The following CUX1 variants were observed in gnomAD, a reference collection of about 807,000 sequenced individuals.
CUX1 encodes the protein cut like homeobox 1, also known as protein CASP.
In CUX1, 31 loss-of-function variants were observed where a neutral mutation model predicts 158.8. The ratio of observed to expected loss-of-function variants is 0.20; its 90% confidence interval spans 0.15 to 0.26. CUX1 has a LOEUF of 0.26. Ranked by LOEUF, CUX1 falls within the 10% of genes least tolerant of loss-of-function variation. The probability of loss-of-function intolerance (pLI) is 1.00; values close to 1 mark genes in which losing one functional copy is unlikely to be tolerated. For missense variants in CUX1, 1,589 were observed against 2,014.6 expected (o/e 0.79, Z 4.04); for synonymous variants, 879 against 862.1 (o/e 1.02, Z -0.34).
In CUX1 at chr7:102,255,031, G is replaced by A. The variant is rs895036442; in HGVS notation, c.*5989G>A. 4 of 985,378 alleles carry A rather than the reference G, an allele frequency of 4.1e-6. No homozygotes were observed. The highest frequency in any genetic ancestry group is 1.7e-5 in the African/African-American group (1 of 57,208). The allele number at this position is 985,378 out of a possible 1,614,324, so 61.0% of individuals were successfully genotyped here. A position where few individuals can be genotyped will look rare whatever the true frequency, so the allele number is the denominator to read the frequency against. The stretch of plus-strand genomic sequence containing the variant: ...GCTTAATCAGGACGGAAGAGGAGGG[G>A]GTGTGGGGGGCAGAGCGTAAAACAA... On this transcript the variant is annotated 3_prime_UTR_variant, in exon 24 of 24. Transcript: ENST00000292535.
Position 102,197,268 on chromosome 7 carries a change from C to T in CUX1, c.1857C>T (p.Asn619=). 6.2e-7 allele frequency: 1 copy of T among 1,613,988 alleles called. No homozygotes were observed. The highest frequency in any genetic ancestry group is 1.1e-5 in the South Asian group (1 of 91,088). ...AACAGTTCCTCTCCGATGAGCAGAA[C>T]ATCCTGGCCCTCCGTAGCATCCAAG... ...KMKQFLSDEQ[N]ILALRSIQGR... Residue 619 remains asparagine (N), a synonymous_variant, in exon 15 of 24, where the codon AAC becomes AAT. Coordinates refer to ENST00000292535, the MANE Select transcript of CUX1 (RefSeq NM_181552.4).
At chr7:101,983,570 C>A (rs947320349) in intron 2 of CUX1, among the ~76,000 whole-genome samples, 5 of 152,180 alleles carry the variant, frequency 3.3e-5, no homozygotes, top group Non-Finnish European at 7.3e-5. Context: ...TTACTTGGCC[C>A]ATGGTTCTGC....
chr7:102,201,682 C>T lies in CUX1; in HGVS notation c.2385C>T (p.Asp795=). 2 of 1,612,728 alleles carry T rather than the reference C, an allele frequency of 1.2e-6. No individual in the cohort carries two copies. Among genetic ancestry groups the T allele is most frequent in the Non-Finnish European group, 1.7e-6 (2 of 1,179,852 alleles). The change falls in exon 18 of 24, where the codon GAC becomes GAT. Residue 795 remains aspartate, a synonymous_variant. Coordinates refer to ENST00000292535, the MANE Select transcript of CUX1 (RefSeq NM_181552.4). The surrounding 1 kb of genome is among the most constrained non-coding windows in gnomAD (Gnocchi z 5.0). ...KKEAQDAPGL[D]PQGAADCAQG... ...AGGCCCAGGACGCCCCCGGGCTGGA[C>T]CCCCAGGGAGCAGCCGATTGTGCAC... is the stretch of plus-strand genomic sequence containing the variant.
At chr7:102,023,259 C>T (rs1819596377) in intron 2 of CUX1, among the ~76,000 whole-genome samples, 2 of 152,112 alleles carry the variant, frequency 1.3e-5, no homozygotes, top group African/African-American at 4.8e-5. Context: ...GCCTCCTTAT[C>T]ATTTGTTCCA....
chr7:102,194,278 G>A, intron 13 of CUX1: 1 of 191,818 alleles, frequency 5.2e-6, no homozygotes, highest in South Asian at 1.3e-4. Flanking sequence ...CAGGTACTAA[G>A]AACATAAATA....
intron 23 of CUX1, among the ~76,000 whole-genome samples, chr7:102,244,971 G>A (rs553409951): frequency 6.6e-6 from 1 of 152,340 alleles, no homozygotes; most frequent in African/African-American, 2.4e-5. Context: ...TCTCACATCT[G>A]TGGAGCACAA....
intron 2 of CUX1, among the ~76,000 whole-genome samples, chr7:101,967,403 C>T (rs903744472): frequency 6.6e-6 from 1 of 152,174 alleles, no homozygotes; most frequent in Non-Finnish European, 1.5e-5. Flanking sequence ...CGAAACACCG[C>T]GCTAGATCTG....
chr7:102,186,898 TG>T (rs1793682088), intron 11 of CUX1: 1 of 152,062 alleles, frequency 6.6e-6, no homozygotes, highest in African/African-American at 2.4e-5. Flanking sequence ...CCAGACATTT[TG>T]CAGGCACCTG....
In CUX1 at chr7:101,897,381, G is replaced by C. The variant is rs374221301; in HGVS notation, c.31-18734G>C. On this transcript the variant is annotated intron_variant, in intron 1 of 23. Coordinates refer to ENST00000292535, the MANE Select transcript of CUX1 (RefSeq NM_181552.4). ...CTGGGCATGGTGGCATGCACCTGTC[G>C]TGTCAGCTACTTGAAAGGCTGAGGT... Among the ~76,000 whole-genome samples the C allele has an allele frequency of 2.0e-5, 3 of 152,048 alleles. No individual in the cohort carries two copies. The East Asian group carries it at 5.8e-4, about 29-fold the overall frequency.
intron 4 of CUX1, among the ~76,000 whole-genome samples, chr7:102,077,135 A>T (rs1826837397): frequency 6.6e-6 from 1 of 152,050 alleles, no homozygotes; most frequent in Admixed American, 6.6e-5. Context: ...CAATGAGAGT[A>T]TAGAATAAGG....
At chr7:101,959,797 A>G (rs1810243813) in intron 2 of CUX1, among the ~76,000 whole-genome samples, 2 of 152,092 alleles carry the variant, frequency 1.3e-5, no homozygotes, top group South Asian at 4.1e-4. Flanking sequence ...TGTTCTGCGG[A>G]GGATTTCACC....
At chr7:101,963,044 A>G (rs1246412058) in intron 2 of CUX1, among the ~76,000 whole-genome samples, 1 of 152,142 alleles carries the variant, frequency 6.6e-6, no homozygotes, top group Non-Finnish European at 1.5e-5. Context: ...CAAGGGATTT[A>G]CTTTCAAGTT....
chr7:102,121,140 G>A (rs557971487), intron 8 of CUX1, among the ~76,000 whole-genome samples: 1 of 152,114 alleles, frequency 6.6e-6, no homozygotes, highest in Non-Finnish European at 1.5e-5. Flanking sequence ...CATGGCAAAT[G>A]TGGGTGGGAT....
At chr7:102,239,202 G>C (rs1233290357) in intron 22 of CUX1, 118 bp from the exon 23 acceptor site, 7 of 1,211,410 alleles carry the variant, frequency 5.8e-6, no homozygotes, top group Non-Finnish European at 7.8e-6. Context: ...TTAGTGTTTT[G>C]AGATGCTCTA....
chr7:102,216,526 TCTCC>T (rs1434869916), intron 20 of CUX1, among the ~76,000 whole-genome samples: 5 of 83,598 alleles, frequency 6.0e-5, no homozygotes, highest in African/African-American at 1.3e-4. Context: ...ACACACACAC[TCTCC>T]CCCCCACACA....
chr7:101,895,639 A>G (rs1176729703), intron 1 of CUX1, among the ~76,000 whole-genome samples: 1 of 152,170 alleles, frequency 6.6e-6, no homozygotes, highest in Non-Finnish European at 1.5e-5. Context: ...TTCTTAAAAG[A>G]ATTTTAGGGG....
Position 102,255,496 on chromosome 7 carries a change from GT to G in CUX1, c.*6456del, listed in dbSNP as rs1231887829. ...TCTTAAACTCTTAAGATGCCTTTGA[GT>G]TGCTTTTCATGAATCCTTTTAGTTT... On this transcript the variant is annotated 3_prime_UTR_variant, in exon 24 of 24. Coordinates refer to ENST00000292535, the MANE Select transcript of CUX1 (RefSeq NM_181552.4). 1.0e-6 allele frequency: 1 copy of G among 985,072 alleles called. No individual in the cohort carries two copies. Among genetic ancestry groups the G allele is most frequent in the Non-Finnish European group, 1.2e-6 (1 of 829,896 alleles). The allele number at this position is 985,072 out of a possible 1,614,324, so 61.0% of individuals were successfully genotyped here. A position where few individuals can be genotyped will look rare whatever the true frequency, so the allele number is the denominator to read the frequency against.
At chr7:102,043,774 G>A (rs767632350) in intron 3 of CUX1, among the ~76,000 whole-genome samples, 5 of 152,162 alleles carry the variant, frequency 3.3e-5, no homozygotes, top group African/African-American at 1.2e-4. Context: ...GGGAACCTCC[G>A]TACTGTTTCC....
chr7:101,893,063 A>G lies in CUX1; in HGVS notation c.31-23052A>G, dbSNP rs374739830. Among the ~76,000 whole-genome samples the G allele has an allele frequency of 5.3e-5, 8 of 151,486 alleles. No homozygotes were observed. In the East Asian group the frequency reaches 1.5e-3, roughly 29 times the overall value. On this transcript the variant is annotated intron_variant, in intron 1 of 23. Transcript: ENST00000292535. The stretch of plus-strand genomic sequence containing the variant: ...GGGCAGGCTGTACATTTTATAACTC[A>G]CTAATATAATGAAATGTTTGTTGAT...
Sources: allele counts gnomAD v4.1 joint callset (sites outside exome capture counted in the v4.1 genomes callset), GRCh38; gene constraint gnomAD v4.1.1; non-coding constraint Gnocchi (gnomAD v3.1); transcripts MANE v1.5; gene names NCBI Gene and HGNC (gene_info 2026-07-23, HGNC 2026-07-21).